The following RBFOX3 variants were observed in gnomAD, a reference collection of about 807,000 sequenced individuals.
RBFOX3 encodes RNA binding protein fox-1 homolog 3.
In RBFOX3, 17 loss-of-function variants were observed where a neutral mutation model predicts 48.7. The observed-to-expected ratio is 0.35, with a 90% CI of 0.24 to 0.52. RBFOX3 has a LOEUF of 0.52. RBFOX3 is among the 20% of genes least tolerant of loss of function. The pLI, the probability that RBFOX3 is intolerant of heterozygous loss-of-function variation, is 0.94. For synonymous variants in RBFOX3, 212 were observed against 209.5 expected (o/e 1.01, Z -0.10); for missense variants, 382 against 497.5 (o/e 0.77, Z 2.21).
rs956244409 is a variant in RBFOX3, at chr17:79,363,122, G to A, written c.-174-55298C>T. Among the ~76,000 whole-genome samples the A allele has an allele frequency of 2.6e-5, 4 of 152,184 alleles. No homozygotes were observed. Among genetic ancestry groups the A allele is most frequent in the African/African-American group, 7.2e-5 (3 of 41,450 alleles). ...CCATAGTGAGCCGCAGGGGAGGCAC[G>A]TGGCTCCTGCAGGGGAGATGGAGGG... On this transcript the variant is annotated intron_variant, in intron 2 of 14. Coordinates refer to ENST00000693108, the MANE Select transcript of RBFOX3 (RefSeq NM_001350451.2). This position sits in a 1 kb window ranked among gnomAD's most constrained non-coding sequence, Gnocchi z 4.7.
At position 79,242,745 on chromosome 17, in the gene RBFOX3, A is replaced by G. The variant is rs1377329197; in HGVS notation, c.-73-6940T>C. 6.6e-6 allele frequency among the ~76,000 whole-genome samples: 1 copy of G among 152,072 alleles called. No individual in the cohort carries two copies. The highest frequency in any genetic ancestry group is 1.5e-5 in the Non-Finnish European group (1 of 68,010). ...CACTGCCCATACTTAGGTCTGTGGG[A>G]AGGGCCACCCCCTTACTGGGCCTCC... On this transcript the variant is annotated intron_variant, in intron 3 of 14. Transcript: ENST00000693108. The surrounding 1 kb of genome is among the most constrained non-coding windows in gnomAD (Gnocchi z 5.8).
At chr17:79,419,016 C>T (rs1398053122) in intron 2 of RBFOX3, among the ~76,000 whole-genome samples, 1 of 152,180 alleles carries the variant, frequency 6.6e-6, no homozygotes, top group East Asian at 1.9e-4. Flanking sequence ...GGGACCGTAT[C>T]GTCCAAGCTC....
the RBFOX3 span, among the ~76,000 whole-genome samples, chr17:79,651,704 T>C: frequency 1.3e-5 from 1 of 77,700 alleles, no homozygotes; most frequent in Non-Finnish European, 2.5e-5. Context: ...CCCTCCCCCC[T>C]CCCTCCCTGT....
At chr17:79,145,552 G>A (rs769458763) in intron 4 of RBFOX3, among the ~76,000 whole-genome samples, 2 of 152,236 alleles carry the variant, frequency 1.3e-5, no homozygotes, top group African/African-American at 2.4e-5. Context: ...CAGCCCAGTC[G>A]GCTCTGAGAG....
chr17:79,140,235 A>C (rs1386434385), intron 4 of RBFOX3, among the ~76,000 whole-genome samples: 1 of 152,232 alleles, frequency 6.6e-6, no homozygotes. Context: ...AGGCTGCGAG[A>C]GCTTAGTGGC....
intron 4 of RBFOX3, among the ~76,000 whole-genome samples, chr17:79,133,904 G>T (rs1178057454): frequency 6.6e-6 from 1 of 152,234 alleles, no homozygotes; most frequent in Non-Finnish European, 1.5e-5. Flanking sequence ...TCTCCCCCAG[G>T]GTTCCAGGGC....
rs1398552378 is a variant in RBFOX3, at chr17:79,199,609, G to A, written c.-34+36157C>T. On this transcript the variant is annotated intron_variant, in intron 4 of 14. Coordinates refer to ENST00000693108, the MANE Select transcript of RBFOX3 (RefSeq NM_001350451.2). This position sits in a 1 kb window ranked among gnomAD's most constrained non-coding sequence, Gnocchi z 5.1. ...CCCAGTTCAAGAAGTAATTAGATAT[G>A]CTCTCAAAGAAGTCCCCAAAGCTTT... 6.6e-6 allele frequency among the ~76,000 whole-genome samples: 1 copy of A among 152,178 alleles called. No homozygotes were observed. Among genetic ancestry groups the A allele is most frequent in the Non-Finnish European group, 1.5e-5 (1 of 68,038 alleles).
chr17:79,380,131 C>T (rs1044089972), intron 2 of RBFOX3, among the ~76,000 whole-genome samples: 2 of 151,988 alleles, frequency 1.3e-5, no homozygotes, highest in Non-Finnish European at 2.9e-5. Context: ...TCCCCCAACC[C>T]TCAGCATCTC....
intron 2 of RBFOX3, among the ~76,000 whole-genome samples, chr17:79,464,811 C>T (rs2076093416): frequency 6.6e-6 from 1 of 152,226 alleles, no homozygotes; most frequent in Non-Finnish European, 1.5e-5. Context: ...ACAGGCCAGC[C>T]CCAGCCGCTC....
chr17:79,476,883 A>AG (rs1201982661), intron 2 of RBFOX3, among the ~76,000 whole-genome samples: 3 of 151,382 alleles, frequency 2.0e-5, no homozygotes, highest in Non-Finnish European at 4.4e-5. Flanking sequence ...GGAAAGAAGT[A>AG]GGGGGAGAGA....
the RBFOX3 span, among the ~76,000 whole-genome samples, chr17:79,641,589 C>T: frequency 2.6e-5 from 4 of 152,138 alleles, no homozygotes; most frequent in Non-Finnish European, 2.9e-5. Flanking sequence ...TTAAAGAAGA[C>T]GTTACATACA....
At chr17:79,463,226 G>A (rs200187882) in intron 2 of RBFOX3, among the ~76,000 whole-genome samples, 29 of 102,136 alleles carry the variant, frequency 2.8e-4, no homozygotes, top group East Asian at 5.9e-4. Context: ...CACTGCCATC[G>A]CCACTGCCAC....
chr17:79,138,805 A>AG (rs2041118203), intron 4 of RBFOX3, among the ~76,000 whole-genome samples: 1 of 80,806 alleles, frequency 1.2e-5, no homozygotes, highest in African/African-American at 4.7e-5. Flanking sequence ...CCTTACCCAC[A>AG]CACATGCGTT....
At chr17:79,441,228 G>A (rs2070844447) in intron 2 of RBFOX3, among the ~76,000 whole-genome samples, 1 of 152,220 alleles carries the variant, frequency 6.6e-6, no homozygotes, top group Non-Finnish European at 1.5e-5. Context: ...GACGAGGGTG[G>A]GCCAGGCTCT....
At chr17:79,257,595 C>T (rs747390251) in intron 3 of RBFOX3, among the ~76,000 whole-genome samples, 6 of 152,054 alleles carry the variant, frequency 3.9e-5, no homozygotes, top group Non-Finnish European at 7.4e-5. Context: ...TTTTTTCCCC[C>T]TCTGAGACAG....
At chr17:79,528,679 C>T (rs1180834171) in intron 1 of RBFOX3, among the ~76,000 whole-genome samples, 1 of 151,898 alleles carries the variant, frequency 6.6e-6, no homozygotes, top group East Asian at 1.9e-4. Context: ...ACACATGTAT[C>T]GGGGAAGGCC....
In RBFOX3 at chr17:79,252,510, G is replaced by C. The variant is rs770765257; in HGVS notation, c.-73-16705C>G. Among the ~76,000 whole-genome samples the C allele has an allele frequency of 6.6e-6, 1 of 152,034 alleles. No homozygotes were observed. Among genetic ancestry groups the C allele is most frequent in the Non-Finnish European group, 1.5e-5 (1 of 67,976 alleles). On this transcript the variant is annotated intron_variant, in intron 3 of 14. Transcript: ENST00000693108. This position sits in a 1 kb window ranked among gnomAD's most constrained non-coding sequence, Gnocchi z 4.0. ...ACTGTCAGTTTGACCCAAGGAGTTC[G>C]GGGGCCTCTAGAGGCTGGAACAGGG...
chr17:79,097,192 A>T, intron 11 of RBFOX3, 100 bp downstream of exon 11: 9 of 641,226 alleles, frequency 1.4e-5, no homozygotes, highest in Non-Finnish European at 1.9e-5. Context: ...CCAGGTCTGG[A>T]AAGGCTGCCT....
chr17:79,417,199 T>C (rs60242502), intron 2 of RBFOX3, among the ~76,000 whole-genome samples: 22,889 of 152,122 alleles, frequency 0.15, 1,929 homozygotes, highest in Non-Finnish European at 0.19. Flanking sequence ...GGAGAGAAGA[T>C]AACAGAGGCA....
Sources: allele counts gnomAD v4.1 joint callset (sites outside exome capture counted in the v4.1 genomes callset), GRCh38; gene constraint gnomAD v4.1.1; non-coding constraint Gnocchi (gnomAD v3.1); transcripts MANE v1.5; gene names NCBI Gene and HGNC (gene_info 2026-07-23, HGNC 2026-07-21).